TBC1D32: variants seen among roughly 807,000 people sequenced by gnomAD.
TBC1D32 encodes the protein protein broad-minded.
A neutral mutation model predicts 170.3 loss-of-function variants in TBC1D32; 151 were observed. That is an observed-to-expected ratio of 0.89 (90% CI 0.78 to 1.01). The LOEUF (loss-of-function observed/expected upper bound fraction) is 1.01, where lower values mean the gene tolerates loss of function less well. Among genes scored for constraint, TBC1D32 ranks in the 50% least tolerant of loss-of-function variants. The pLI is 0.00. For missense variants in TBC1D32, 1,464 were observed against 1,457.1 expected (o/e 1.00, Z -0.08); for synonymous variants, 498 against 488.0 (o/e 1.02, Z -0.27).
Position 121,295,289 on chromosome 6 carries a change from C to CAAAAAAAAA in TBC1D32, c.1141-638_1141-630dup, listed in dbSNP as rs60783883. Among the ~76,000 whole-genome samples, 10 of 108,574 alleles carry CAAAAAAAAA rather than the reference C, an allele frequency of 9.2e-5. 1 individual carries two copies. The highest frequency in any genetic ancestry group is 2.6e-4 in the African/African-American group (7 of 27,056). 71.2% of individuals were successfully genotyped at this position (108,574 alleles called of 152,430 possible). A position where few individuals can be genotyped will look rare whatever the true frequency, so the allele number is the denominator to read the frequency against. ...CATCGATGGCCTCTTATCCTAATTC[C>CAAAAAAAAA]AAAAAAAAAAAAAAAAAAGCCACCA... On this transcript the variant is annotated intron_variant, in intron 10 of 31. Coordinates refer to ENST00000398212, the MANE Select transcript of TBC1D32 (RefSeq NM_152730.6).
intron 26 of TBC1D32, among the ~76,000 whole-genome samples, chr6:121,117,114 G>A (rs538463833): frequency 6.8e-4 from 104 of 152,156 alleles, no homozygotes; most frequent in African/African-American, 2.4e-3. Flanking sequence ...TACATTTGAA[G>A]GAATAAAAGT....
intron 12 of TBC1D32, among the ~76,000 whole-genome samples, chr6:121,285,588 G>A (rs750401486): frequency 6.6e-5 from 10 of 152,114 alleles, no homozygotes; most frequent in Admixed American, 3.3e-4. Flanking sequence ...CAGCGTGAGC[G>A]ACGCAGAAGA....
chr6:121,239,733 T>C (rs1162566774), intron 19 of TBC1D32, among the ~76,000 whole-genome samples: 1 of 152,124 alleles, frequency 6.6e-6, no homozygotes, highest in Non-Finnish European at 1.5e-5. Context: ...AGTCTTTAAA[T>C]TCTTACGAGT....
At chr6:121,268,449 G>C (rs966337059) in intron 15 of TBC1D32, among the ~76,000 whole-genome samples, 4 of 152,116 alleles carry the variant, frequency 2.6e-5, no homozygotes, top group African/African-American at 9.7e-5. Flanking sequence ...CATGGCATGA[G>C]AACTACGTGA....
intron 31 of TBC1D32, among the ~76,000 whole-genome samples, 189 bp from the exon 32 acceptor site, chr6:121,081,079 A>T (rs1449422243): frequency 6.6e-6 from 1 of 152,182 alleles, no homozygotes; most frequent in Non-Finnish European, 1.5e-5. Context: ...AAGAAACTAT[A>T]TGTCCCCCTT....
At chr6:121,236,867 A>C (rs2128350769) in intron 20 of TBC1D32, 1 of 152,220 alleles carries the variant, frequency 6.6e-6, no homozygotes, top group Admixed American at 6.5e-5. Context: ...ATTTCTAAGT[A>C]CAAAATAAAC....
At chr6:121,270,742 T>A (rs1221242720) in intron 15 of TBC1D32, among the ~76,000 whole-genome samples, 2 of 152,090 alleles carry the variant, frequency 1.3e-5, no homozygotes, top group East Asian at 3.9e-4. Flanking sequence ...AAAGAGGGAA[T>A]CCTCTCTAAC....
At chr6:121,159,697 A>C (rs1235185423) in intron 24 of TBC1D32, among the ~76,000 whole-genome samples, 1 of 152,164 alleles carries the variant, frequency 6.6e-6, no homozygotes, top group African/African-American at 2.4e-5. Context: ...ACTGTAGGCA[A>C]TTATAGCACA....
chr6:121,291,109 C>T (rs1009685603), intron 12 of TBC1D32, among the ~76,000 whole-genome samples: 8 of 151,822 alleles, frequency 5.3e-5, no homozygotes, highest in Non-Finnish European at 1.0e-4. Context: ...TGTAACTAAC[C>T]TGCACGTTGT....
At chr6:121,326,912 AT>A in intron 1 of TBC1D32, among the ~76,000 whole-genome samples, 1 of 152,192 alleles carries the variant, frequency 6.6e-6, no homozygotes, top group Non-Finnish European at 1.5e-5. Context: ...GAACAGAGTC[AT>A]TTCTTCAAGT....
intron 27 of TBC1D32, 127 bp from the exon 28 acceptor site, chr6:121,113,304 T>C (rs780545446): frequency 1.3e-4 from 73 of 541,724 alleles, no homozygotes; most frequent in Non-Finnish European, 2.0e-4. Context: ...TACATGTTTC[T>C]GATGATTATG....
chr6:121,254,039 T>C (rs1554288412), intron 17 of TBC1D32, among the ~76,000 whole-genome samples: 1 of 151,856 alleles, frequency 6.6e-6, no homozygotes, highest in Non-Finnish European at 1.5e-5. Flanking sequence ...ATATATGCCA[T>C]GGAATACTAC....
chr6:121,190,731 T>C (rs1344612751), intron 22 of TBC1D32, among the ~76,000 whole-genome samples: 1 of 152,148 alleles, frequency 6.6e-6, no homozygotes, highest in Non-Finnish European at 1.5e-5. Context: ...ACTTTTTATG[T>C]TGCTGTTAAA....
chr6:121,118,467 C>T (rs1294005194), intron 26 of TBC1D32, among the ~76,000 whole-genome samples: 1 of 152,158 alleles, frequency 6.6e-6, no homozygotes, highest in Non-Finnish European at 1.5e-5. Context: ...AAATTTATGT[C>T]ACATGAACTG....
chr6:121,327,321 A>G lies in TBC1D32; in HGVS notation c.156-5527T>C, dbSNP rs527667379. On this transcript the variant is annotated intron_variant, in intron 1 of 31. Transcript: ENST00000398212. ...ATGGAGCTGGGATAAATACAGTTCT[A>G]CAAAATTAAGTACTGTGTTTCCTAC... is the stretch of plus-strand genomic sequence containing the variant. Among the ~76,000 whole-genome samples, 3 of 152,340 alleles carry G rather than the reference A, an allele frequency of 2.0e-5. No individual in the cohort carries two copies. The East Asian group carries it at 5.8e-4, about 29-fold the overall frequency.
chr6:121,295,134 C>T (rs1018195349), intron 10 of TBC1D32, among the ~76,000 whole-genome samples: 1 of 151,692 alleles, frequency 6.6e-6, no homozygotes, highest in African/African-American at 2.4e-5. Context: ...AAAAGAGTCA[C>T]AATAAAAAAT....
chr6:121,270,298 C>A (rs1455932090), intron 15 of TBC1D32, among the ~76,000 whole-genome samples: 1 of 151,740 alleles, frequency 6.6e-6, no homozygotes, highest in Non-Finnish European at 1.5e-5. Flanking sequence ...CACAAAAAAA[C>A]CCTTCAAAAA....
chr6:121,196,932 T>G, intron 22 of TBC1D32, among the ~76,000 whole-genome samples: 1 of 152,160 alleles, frequency 6.6e-6, no homozygotes, highest in East Asian at 1.9e-4. Flanking sequence ...AGCAAAATGT[T>G]TGCCTCCTGT....
chr6:121,098,817 ATATAT>A (rs1408633070), intron 30 of TBC1D32, among the ~76,000 whole-genome samples: 1 of 151,996 alleles, frequency 6.6e-6, no homozygotes, highest in Non-Finnish European at 1.5e-5. Context: ...CCATTTGGAC[ATATAT>A]TAAAGGATAA....
Sources: gnomAD v4.1 joint callset for allele counts (sites outside exome capture counted in the v4.1 genomes callset) on GRCh38, gnomAD v4.1.1 for gene constraint, MANE v1.5 for transcripts, NCBI Gene and HGNC (gene_info 2026-07-23, HGNC 2026-07-21) for gene names.